TIMELESS: variants seen among roughly 807,000 people sequenced by gnomAD.
TIMELESS encodes timeless circadian regulator.
Under a neutral mutation model 164.3 loss-of-function variants are expected in TIMELESS, and 124 were observed. The ratio of observed to expected loss-of-function variants is 0.75; its 90% confidence interval spans 0.65 to 0.88. The LOEUF (loss-of-function observed/expected upper bound fraction) is 0.88, where lower values mean the gene tolerates loss of function less well. Ranked by LOEUF, TIMELESS falls within the 40% of genes least tolerant of loss-of-function variation. The probability of loss-of-function intolerance (pLI) is 0.00; values close to 1 mark genes in which losing one functional copy is unlikely to be tolerated. For missense variants in TIMELESS, 1,422 were observed against 1,491.4 expected, an observed-to-expected ratio of 0.95 and a Z score of 0.77; for synonymous variants, 564 against 563.4, an observed-to-expected ratio of 1.00 and a Z score of -0.02.
In TIMELESS at chr12:56,423,858, T is replaced by C. The variant is rs200897309; in HGVS notation, c.1905A>G (p.Gln635=). The stretch of plus-strand genomic sequence containing the variant: ...GGATCTCTTCCTCTGGAGAAATGTC[T>C]TGAGAGCCAAACACATCTCCTTCAG... The part of the protein sequence containing the change: ...VWPEGDVFGS[Q]DISPEEEIQL... The change falls in exon 16 of 29, where the codon CAA becomes CAG. Residue 635 remains glutamine (Q), a synonymous_variant. Transcript: ENST00000553532. 1.7e-5 allele frequency: 27 copies of C among 1,614,212 alleles called. No homozygotes were observed. The highest frequency in any genetic ancestry group is 2.3e-5 in the Non-Finnish European group (27 of 1,180,038).
chr12:56,418,258 C>T lies in TIMELESS; in HGVS notation c.3330G>A (p.Glu1110=), dbSNP rs1470622378. The change falls in exon 27 of 29, where the codon GAG becomes GAA. Residue 1110 remains glutamate, a synonymous_variant. Coordinates refer to ENST00000553532, the MANE Select transcript of TIMELESS (RefSeq NM_003920.5). ...QPEEEQKLQP[E]LQPKVPGEQG... Reference sequence around the variant, plus strand: ...GCTCTCCAGGGACTTTAGGCTGCAGCTCTGGCTGCAGCTTCTGTTCCTCCT... The same window carrying T: ...GCTCTCCAGGGACTTTAGGCTGCAGTTCTGGCTGCAGCTTCTGTTCCTCCT... The T allele has an allele frequency of 6.2e-6, 10 of 1,614,072 alleles. No homozygotes were observed. Among genetic ancestry groups the T allele is most frequent in the African/African-American group, 1.3e-5 (1 of 74,928 alleles).
intron 8 of TIMELESS, 110 bp downstream of exon 8, chr12:56,431,354 CAAAAAAA>C: frequency 1.2e-6 from 1 of 820,144 alleles, no homozygotes; most frequent in Non-Finnish European, 1.7e-6. Context: ...AATTCTGTCT[CAAAAAAA>C]AAAAAAAAAA....
chr12:56,421,232 C>A (rs1881472166), intron 23 of TIMELESS, 98 bp from the exon 24 acceptor site: 1 of 1,586,408 alleles, frequency 6.3e-7, no homozygotes, highest in Admixed American at 1.7e-5. Context: ...CCCGCGCCTG[C>A]TCTCTCGGAA....
rs890074191 is a variant in TIMELESS at position 56,423,457 on chromosome 12, G to A, written c.2109C>T (p.Val703=). 1.2e-5 allele frequency: 19 copies of A among 1,614,068 alleles called. No homozygotes were observed. Among genetic ancestry groups the A allele is most frequent in the South Asian group, 3.3e-5 (3 of 91,066 alleles). The change falls in exon 18 of 29, where the codon GTC becomes GTT. Residue 703 remains valine, a synonymous_variant. Coordinates refer to ENST00000553532, the MANE Select transcript of TIMELESS (RefSeq NM_003920.5). ...TTAGTAGCAGCACATAGGCTCGAAC[G>A]ACAGTTGAACATGCAAAGCTGCACC... ...DYLKRFACST[V]VRAYVLLLRS... is the part of the protein sequence containing the mutation.
chr12:56,432,853 G>C (rs1321631130), intron 6 of TIMELESS, among the ~76,000 whole-genome samples, 173 bp downstream of exon 6: 2 of 151,222 alleles, frequency 1.3e-5, no homozygotes, highest in Non-Finnish European at 2.9e-5. Context: ...GGAGGCAGAG[G>C]CTGAGGCAGG....
intron 15 of TIMELESS, 52 bp downstream of exon 15, chr12:56,424,710 T>C (rs1041446390): frequency 1.9e-6 from 3 of 1,593,080 alleles, no homozygotes; most frequent in East Asian, 2.2e-5. Flanking sequence ...ACCGCAGTGA[T>C]GGCCTCCTCC....
chr12:56,433,147 A>G lies in TIMELESS; in HGVS notation c.430-20T>C, dbSNP rs745531486. 1.9e-6 allele frequency: 3 copies of G among 1,610,406 alleles called. No homozygotes were observed. The highest frequency in any genetic ancestry group is 2.5e-6 in the Non-Finnish European group (3 of 1,176,724). On this transcript the variant is annotated intron_variant, in intron 5 of 28. Coordinates refer to ENST00000553532, the MANE Select transcript of TIMELESS (RefSeq NM_003920.5). The stretch of plus-strand genomic sequence containing the variant: ...CCAGCCCTAACCAGAAGAGAGTAAG[A>G]GGAAGAGACTCCCTGTGGAAGGCAG...
At chr12:56,431,030 C>T in intron 8 of TIMELESS, 62 bp from the exon 9 acceptor site, 2 of 1,166,564 alleles carry the variant, frequency 1.7e-6, no homozygotes, top group African/African-American at 3.2e-5. Context: ...TCTCCATTCT[C>T]TATCATCGGC....
In TIMELESS at chr12:56,434,145, T is replaced by C; in HGVS notation, c.26A>G (p.Glu9Gly). 1 of 1,614,136 alleles carries C rather than the reference T, an allele frequency of 6.2e-7. No homozygotes were observed. The highest frequency in any genetic ancestry group is 8.5e-7 in the Non-Finnish European group (1 of 1,180,026). The change falls in exon 2 of 29, where the codon GAA becomes GGA. Residue 9 changes from glutamate (E) to glycine (G), a missense_variant. By Grantham distance (98) the Glu-to-Gly change is moderately conservative (BLOSUM62 -2). Coordinates refer to ENST00000553532, the MANE Select transcript of TIMELESS (RefSeq NM_003920.5). ...AAGGGCACTACATGTGGCTAGAAGT[T>C]CACAGTTCATCATGTGCAAGTCCAT... MDLHMMNC[E>G]LLATCSALGY...
In TIMELESS at chr12:56,417,914, C is replaced by G; in HGVS notation, c.3549G>C (p.Arg1183Ser). 1 of 1,614,172 alleles carries G rather than the reference C, an allele frequency of 6.2e-7. No individual in the cohort carries two copies. Among genetic ancestry groups the G allele is most frequent in the African/African-American group, 1.3e-5 (1 of 75,038 alleles). The change falls in exon 28 of 29, where the codon AGG becomes AGC. Residue 1183 changes from arginine to serine, a missense_variant. By Grantham distance (110) the Arg-to-Ser change is moderately radical. Transcript: ENST00000553532. ...TCCCATCAAATTCCCTACCTCTGTTCCTGCCCTCATCTTCTTCCTGTTCCT... is the reference window on the plus strand; with the variant it reads ...TCCCATCAAATTCCCTACCTCTGTTGCTGCCCTCATCTTCTTCCTGTTCCT... The part of the protein sequence containing the change: ...SDEEQEEDEG[R>S]NRAPELGAPG...
At chr12:56,419,056 G>A (rs1039525053) in intron 26 of TIMELESS, among the ~76,000 whole-genome samples, 30 of 144,530 alleles carry the variant, frequency 2.1e-4, no homozygotes, top group Admixed American at 5.7e-4. Context: ...CTAGAGTGCC[G>A]TGGCAAAGCA....
At position 56,417,479 on chromosome 12, in the gene TIMELESS, C is replaced by A; in HGVS notation, c.*237G>T. 2.0e-6 allele frequency: 1 copy of A among 500,182 alleles called. No individual in the cohort carries two copies. The allele number at this position is 500,182 out of a possible 1,614,324, so 31.0% of individuals were successfully genotyped here. A position where few individuals can be genotyped will look rare whatever the true frequency, so the allele number is the denominator to read the frequency against. On this transcript the variant is annotated 3_prime_UTR_variant, in exon 29 of 29. Coordinates refer to ENST00000553532, the MANE Select transcript of TIMELESS (RefSeq NM_003920.5). ...AGAAATGGTTCCTAGAAGAAGAGAA[C>A]TAAATCTCCAGAGAGCTGCTGGGGC...
In TIMELESS at chr12:56,416,406, A is replaced by G. The variant is rs924340519; in HGVS notation, c.*1310T>C. On this transcript the variant is annotated 3_prime_UTR_variant, in exon 29 of 29. Transcript: ENST00000553532. ...CATCCTTTACTTAGAAGCCTTCCTG[A>G]GCTGAATGGCTATTTTCTCAATCTC... The G allele has an allele frequency of 6.6e-6, 1 of 152,236 alleles. No homozygotes were observed. Among genetic ancestry groups the G allele is most frequent in the Non-Finnish European group, 1.5e-5 (1 of 68,052 alleles). The allele number at this position is 152,236 out of a possible 1,614,324, so 9.4% of individuals were successfully genotyped here.
intron 1 of TIMELESS, among the ~76,000 whole-genome samples, chr12:56,444,343 G>A (rs189369657): frequency 2.2e-4 from 33 of 152,104 alleles, no homozygotes; most frequent in Non-Finnish European, 3.8e-4. Flanking sequence ...GAACAATTGA[G>A]GTTATCAGAC....
chr12:56,435,000 C>A (rs1294846844), intron 1 of TIMELESS, among the ~76,000 whole-genome samples: 1 of 152,124 alleles, frequency 6.6e-6, no homozygotes, highest in Non-Finnish European at 1.5e-5. Context: ...TGTGATTGCA[C>A]CACTACACTC....
intron 13 of TIMELESS, among the ~76,000 whole-genome samples, chr12:56,425,990 G>A (rs1426198036): frequency 6.6e-6 from 1 of 152,156 alleles, no homozygotes; most frequent in African/African-American, 2.4e-5. Flanking sequence ...TGTGGGTACT[G>A]AAAAGTCAAA....
chr12:56,424,418 C>T (rs1257218716), intron 15 of TIMELESS, among the ~76,000 whole-genome samples: 1 of 152,168 alleles, frequency 6.6e-6, no homozygotes, highest in African/African-American at 2.4e-5. Flanking sequence ...GATACTGCCA[C>T]TTTAAGTGAA....
chr12:56,420,048 A>ATATATG lies in TIMELESS; in HGVS notation c.3228+520_3228+521insCATATA, dbSNP rs1473074484. Among the ~76,000 whole-genome samples, 58 of 87,322 alleles carry ATATATG rather than the reference A, an allele frequency of 6.6e-4. No individual in the cohort carries two copies. In the East Asian group the frequency reaches 7.6e-3, roughly 11 times the overall value. 57.3% of individuals were successfully genotyped at this position (87,322 alleles called of 152,430 possible). ...AAAAAAAATATATATATATATATAT[A>ATATATG]TGTGTGTGTGTGTGTGTGTGTGTAT... On this transcript the variant is annotated intron_variant, in intron 26 of 28. Transcript: ENST00000553532.
At chr12:56,419,997 A>C (rs1436971863) in intron 26 of TIMELESS, among the ~76,000 whole-genome samples, 1 of 77,624 alleles carries the variant, frequency 1.3e-5, no homozygotes, top group Non-Finnish European at 2.3e-5. Flanking sequence ...ATGGAGTGAG[A>C]CTCTGTCTCA....
Sources: allele counts gnomAD v4.1 joint callset (sites outside exome capture counted in the v4.1 genomes callset), GRCh38; gene constraint gnomAD v4.1.1; transcripts MANE v1.5; gene names NCBI Gene and HGNC (gene_info 2026-07-23, HGNC 2026-07-21).